The following IL1RAPL1 variants were observed in gnomAD, a reference collection of about 807,000 sequenced individuals.
IL1RAPL1 encodes the protein interleukin-1 receptor accessory protein-like 1.
In IL1RAPL1, 3 loss-of-function variants were observed where a neutral mutation model predicts 48.4. The observed-to-expected ratio is 0.06, with a 90% CI of 0.03 to 0.16. IL1RAPL1 has a LOEUF of 0.16. Ranked by LOEUF, IL1RAPL1 falls within the 10% of genes least tolerant of loss-of-function variation. IL1RAPL1 has a pLI of 1.00. For missense variants in IL1RAPL1, 349 were observed against 530.6 expected, an observed-to-expected ratio of 0.66 and a Z score of 3.36; for synonymous variants, 185 against 187.7, an observed-to-expected ratio of 0.99 and a Z score of 0.12.
At chrX:29,689,181 C>A (rs1601780127) in intron 6 of IL1RAPL1, among the ~76,000 whole-genome samples, 1 of 111,634 alleles carries the variant, frequency 9.0e-6, no homozygotes, top group Admixed American at 9.6e-5. Flanking sequence ...CAAATAAAAT[C>A]TCGGAGATAA....
At chrX:28,653,839 A>T (rs1934716465) in intron 1 of IL1RAPL1, among the ~76,000 whole-genome samples, 1 of 111,767 alleles carries the variant, frequency 8.9e-6, no homozygotes, top group South Asian at 3.7e-4. Context: ...TCAGGCAGCT[A>T]AAGTGTTAAT....
At chrX:29,046,079 G>T (rs769850052) in intron 2 of IL1RAPL1, among the ~76,000 whole-genome samples, 1 of 106,654 alleles carries the variant, frequency 9.4e-6, no homozygotes, top group African/African-American at 3.4e-5. Context: ...GCATGGCCTT[G>T]CTCTGCCACT....
rs1930838142 is a variant in IL1RAPL1 at position 29,214,942 on chromosome X, C to T, written c.83-67996C>T. 4.5e-5 allele frequency among the ~76,000 whole-genome samples: 5 copies of T among 112,095 alleles called. No homozygotes were observed. The South Asian group carries it at 1.8e-3, about 40-fold the overall frequency. On this transcript the variant is annotated intron_variant, in intron 2 of 10. Coordinates refer to ENST00000378993, the MANE Select transcript of IL1RAPL1 (RefSeq NM_014271.4). ...ATAAGTCCTTACTAAATAGATTTAACAGCAATAACTATGCAATTTGACTAA... is the reference window on the plus strand; with the variant it reads ...ATAAGTCCTTACTAAATAGATTTAATAGCAATAACTATGCAATTTGACTAA...
intron 2 of IL1RAPL1, among the ~76,000 whole-genome samples, chrX:29,070,035 A>T (rs1433035313): frequency 8.9e-6 from 1 of 112,118 alleles, no homozygotes; most frequent in East Asian, 2.8e-4. Flanking sequence ...TTTGGATTGC[A>T]CGGGATGTGA....
At chrX:28,806,742 C>A (rs190434292) in intron 2 of IL1RAPL1, among the ~76,000 whole-genome samples, 3 of 111,634 alleles carry the variant, frequency 2.7e-5, no homozygotes, top group African/African-American at 9.7e-5. Flanking sequence ...GGCATGTTTT[C>A]GCTTTCTTTG....
At chrX:29,430,268 G>A (rs940988230) in intron 5 of IL1RAPL1, among the ~76,000 whole-genome samples, 1 of 111,028 alleles carries the variant, frequency 9.0e-6, no homozygotes, top group African/African-American at 3.3e-5. Flanking sequence ...TCTCACCTAC[G>A]ACAGGTAAAC....
At chrX:28,830,992 T>TTCTC (rs1160527555) in intron 2 of IL1RAPL1, among the ~76,000 whole-genome samples, 239 of 16,045 alleles carry the variant, frequency 0.015, 12 homozygotes, top group South Asian at 0.021. Flanking sequence ...TGCCCAGGGT[T>TTCTC]TCTCTCTCTC....
chrX:29,499,983 C>CT lies in IL1RAPL1; in HGVS notation c.703+100685dup, dbSNP rs1298366145. ...ATTCTTCTTTTTTCTTTTTCTTTTT[C>CT]TTTTTTTTTTGAGATGGAGTCTCAC... is the stretch of plus-strand genomic sequence containing the variant. On this transcript the variant is annotated intron_variant, in intron 5 of 10. Transcript: ENST00000378993. Among the ~76,000 whole-genome samples the CT allele has an allele frequency of 8.4e-3, 881 of 105,204 alleles. 4 individuals carry two copies. The highest frequency in any genetic ancestry group is 0.027 in the African/African-American group (778 of 29,079). 91.4% of individuals were successfully genotyped at this position (105,204 alleles called of 115,157 possible). A position where few individuals can be genotyped will look rare whatever the true frequency, so the allele number is the denominator to read the frequency against.
At chrX:28,705,963 T>C (rs1935369840) in intron 1 of IL1RAPL1, among the ~76,000 whole-genome samples, 1 of 111,992 alleles carries the variant, frequency 8.9e-6, no homozygotes, top group Non-Finnish European at 1.9e-5. Flanking sequence ...ACGTTTTTGA[T>C]GTATTTGAAC....
chrX:28,639,363 A>G (rs1487864688), intron 1 of IL1RAPL1, among the ~76,000 whole-genome samples: 1 of 112,094 alleles, frequency 8.9e-6, no homozygotes, highest in Non-Finnish European at 1.9e-5. Flanking sequence ...CATTCCTTTC[A>G]CAAATGTTGT....
intron 5 of IL1RAPL1, among the ~76,000 whole-genome samples, chrX:29,583,387 A>G (rs1474864863): frequency 5.1e-4 from 14 of 27,661 alleles, no homozygotes; most frequent in African/African-American, 2.0e-3. Flanking sequence ...ATACAAAATC[A>G]ATGTACAAAA....
chrX:29,344,349 A>C (rs921757951), intron 3 of IL1RAPL1, among the ~76,000 whole-genome samples: 5 of 112,108 alleles, frequency 4.5e-5, no homozygotes, highest in African/African-American at 1.6e-4. Flanking sequence ...ATTTTCATCT[A>C]TGGAATTATA....
At chrX:28,815,036 C>G (rs888101273) in intron 2 of IL1RAPL1, among the ~76,000 whole-genome samples, 1 of 109,783 alleles carries the variant, frequency 9.1e-6, no homozygotes, top group African/African-American at 3.3e-5. Flanking sequence ...ACTATATTTA[C>G]CTAATACATT....
intron 2 of IL1RAPL1, among the ~76,000 whole-genome samples, chrX:28,960,249 T>A (rs1205954937): frequency 8.9e-6 from 1 of 111,796 alleles, no homozygotes; most frequent in Non-Finnish European, 1.9e-5. Context: ...CTCCTGAATA[T>A]AACTTCATTA....
chrX:29,246,728 T>C (rs1271697360), intron 2 of IL1RAPL1, among the ~76,000 whole-genome samples: 4 of 111,554 alleles, frequency 3.6e-5, no homozygotes, highest in Non-Finnish European at 5.6e-5. Flanking sequence ...CTTGGATTCA[T>C]GGGGATGCTT....
rs574730087 is a variant in IL1RAPL1 at position 28,824,274 on chromosome X, A to G, written c.82+34849A>G. 5.7e-4 allele frequency among the ~76,000 whole-genome samples: 63 copies of G among 110,815 alleles called. No individual in the cohort carries two copies. The South Asian group carries it at 0.02, about 36-fold the overall frequency. On this transcript the variant is annotated intron_variant, in intron 2 of 10. Transcript: ENST00000378993. ...AAGAGTAACCTAAATTACTTTTCAA[A>G]GTTTTTCCCTTTACTTTATGTATTC...
At chrX:28,788,938 A>G (rs1383856092) in intron 1 of IL1RAPL1, among the ~76,000 whole-genome samples, 3 of 112,102 alleles carry the variant, frequency 2.7e-5, no homozygotes, top group Non-Finnish European at 5.6e-5. Flanking sequence ...ATTCTATTGC[A>G]GCATGGAATG....
At chrX:28,746,192 T>A (rs1432170208) in intron 1 of IL1RAPL1, among the ~76,000 whole-genome samples, 3 of 111,247 alleles carry the variant, frequency 2.7e-5, no homozygotes, top group Non-Finnish European at 5.7e-5. Flanking sequence ...TTCATGTCCT[T>A]TGTAGGGACA....
chrX:29,418,123 A>ATTTTTT (rs1477273573), intron 5 of IL1RAPL1, among the ~76,000 whole-genome samples: 30 of 29,490 alleles, frequency 1.0e-3, no homozygotes, highest in African/African-American at 2.8e-3. Context: ...ATATATATAT[A>ATTTTTT]TATTTTTTTT....
Sources: allele counts gnomAD v4.1 joint callset (sites outside exome capture counted in the v4.1 genomes callset), GRCh38; gene constraint gnomAD v4.1.1; transcripts MANE v1.5; gene names NCBI Gene and HGNC (gene_info 2026-07-23, HGNC 2026-07-21).